Variants in GAPVD1 observed in about 807,000 individuals in gnomAD.
GAPVD1 encodes the protein GTPase activating protein and VPS9 domains 1, also known as GTPase-activating protein and VPS9 domain-containing protein 1.
A neutral mutation model predicts 155.5 loss-of-function variants in GAPVD1; 35 were observed. The ratio of observed to expected loss-of-function variants is 0.23; its 90% CI spans 0.17 to 0.30. The LOEUF (loss-of-function observed/expected upper bound fraction) is 0.30. GAPVD1 is among the 10% of genes least tolerant of loss of function. The pLI is 1.00. For synonymous variants in GAPVD1, 636 were observed against 619.7 expected (o/e 1.03, Z -0.39); for missense variants, 1,429 against 1,775.7 (o/e 0.80, Z 3.51).
chr9:125,293,858 A>ATATATAAATATAT (rs1473601690), intron 2 of GAPVD1, among the ~76,000 whole-genome samples: 2 of 8,196 alleles, frequency 2.4e-4, no homozygotes, highest in African/African-American at 2.5e-3. Flanking sequence ...TATTTTATAT[A>ATATATAAATATAT]TATATATATA....
chr9:125,332,093 T>G, intron 14 of GAPVD1, 33 bp downstream of exon 14: 1 of 1,605,474 alleles, frequency 6.2e-7, no homozygotes, highest in South Asian at 1.1e-5. Flanking sequence ...AGTAGGGATT[T>G]GAAGGTGTTC....
intron 2 of GAPVD1, among the ~76,000 whole-genome samples, chr9:125,288,413 T>C (rs1838069462): frequency 6.6e-6 from 1 of 152,080 alleles, no homozygotes; most frequent in Non-Finnish European, 1.5e-5. Flanking sequence ...CCCGGCCTTG[T>C]TAATATTTAA....
intron 9 of GAPVD1, among the ~76,000 whole-genome samples, chr9:125,316,771 T>C (rs928434698): frequency 1.3e-5 from 2 of 152,224 alleles, no homozygotes; most frequent in African/African-American, 4.8e-5. Flanking sequence ...ATGGGATTGC[T>C]GGGTCAGATG....
intron 9 of GAPVD1, 126 bp downstream of exon 9, chr9:125,312,738 A>G (rs1038136475): frequency 1.6e-6 from 1 of 639,392 alleles, no homozygotes; most frequent in Non-Finnish European, 2.6e-6. Context: ...TGTAGAGGCC[A>G]GGAAGTCTAT....
intron 2 of GAPVD1, among the ~76,000 whole-genome samples, chr9:125,288,289 G>A (rs1166117950): frequency 6.6e-6 from 1 of 151,446 alleles, no homozygotes; most frequent in Non-Finnish European, 1.5e-5. Context: ...TTTTTGTATT[G>A]TTAGTAGAGA....
intron 1 of GAPVD1, among the ~76,000 whole-genome samples, chr9:125,264,566 G>A (rs780041044): frequency 2.6e-5 from 4 of 152,010 alleles, no homozygotes; most frequent in South Asian, 2.1e-4. Context: ...CAAAATAATC[G>A]GAAGAAGAAA....
At chr9:125,274,534 G>C (rs1835453843) in intron 2 of GAPVD1, among the ~76,000 whole-genome samples, 1 of 150,136 alleles carries the variant, frequency 6.7e-6, no homozygotes. Context: ...TGCAATCTCG[G>C]CTCACTGCAA....
chr9:125,336,147 A>G (rs1050058021), intron 15 of GAPVD1, among the ~76,000 whole-genome samples: 23 of 146,090 alleles, frequency 1.6e-4, no homozygotes, highest in African/African-American at 5.5e-4. Flanking sequence ...TTTGTCTCCA[A>G]AAAAAAAAAA....
intron 2 of GAPVD1, among the ~76,000 whole-genome samples, chr9:125,279,466 G>T (rs1451424071): frequency 6.6e-6 from 1 of 151,312 alleles, no homozygotes; most frequent in Non-Finnish European, 1.5e-5. Context: ...AGCTACTATG[G>T]AGGCTGAGAC....
chr9:125,340,807 A>G (rs1847744570), intron 17 of GAPVD1, among the ~76,000 whole-genome samples: 1 of 152,260 alleles, frequency 6.6e-6, no homozygotes, highest in Admixed American at 6.5e-5. Context: ...AAAGTCACCT[A>G]CGTGGCAATA....
intron 2 of GAPVD1, among the ~76,000 whole-genome samples, chr9:125,292,622 T>G (rs1026255148): frequency 6.6e-6 from 1 of 152,034 alleles, no homozygotes. Context: ...ACTCCTGACC[T>G]CAAGTGATCT....
chr9:125,333,008 T>TA (rs1487248378), intron 15 of GAPVD1, among the ~76,000 whole-genome samples: 3 of 152,212 alleles, frequency 2.0e-5, no homozygotes, highest in Non-Finnish European at 4.4e-5. Flanking sequence ...TGAAATGACT[T>TA]AGAGAAAAAA....
intron 2 of GAPVD1, 88 bp downstream of exon 2, chr9:125,269,072 TC>T (rs1007001804): frequency 1.3e-5 from 2 of 152,076 alleles, no homozygotes; most frequent in East Asian, 3.8e-4. Context: ...GTAAGTGGAA[TC>T]CTTTTTTTTT....
intron 2 of GAPVD1, among the ~76,000 whole-genome samples, chr9:125,278,247 G>A (rs1050707230): frequency 6.6e-6 from 1 of 152,186 alleles, no homozygotes; most frequent in Non-Finnish European, 1.5e-5. Flanking sequence ...TAGGCTGGGT[G>A]CGGTGGCTTA....
chr9:125,307,836 C>G lies in GAPVD1; in HGVS notation c.1397C>G (p.Ser466Cys). 6.2e-7 allele frequency: 1 copy of G among 1,613,290 alleles called. No individual in the cohort carries two copies. Among genetic ancestry groups the G allele is most frequent in the African/African-American group, 1.3e-5 (1 of 75,004 alleles). ...EMTPYNTPQL[S>C]PATTPANKKN... ...ACTCCCTACAATACACCTCAGCTAT[C>G]TCCAGCAACCACTCCAGCAAATAAA... is the stretch of plus-strand genomic sequence containing the variant. Residue 466 changes from serine to cysteine, a missense_variant, in exon 8 of 28, where the codon TCT becomes TGT. By Grantham distance (112) the Ser-to-Cys change is moderately radical. This residue lies in a region of GAPVD1 where 628 missense variants were observed against 733.4 expected (regional missense o/e 0.86). Transcript: ENST00000297933.
intron 26 of GAPVD1, 140 bp downstream of exon 26, chr9:125,359,632 C>T: frequency 1.7e-6 from 1 of 581,540 alleles, no homozygotes. Flanking sequence ...TTCAGTCTAA[C>T]TGCGAAGTTC....
chr9:125,262,777 A>T (rs1833146332), intron 1 of GAPVD1, among the ~76,000 whole-genome samples: 4 of 152,222 alleles, frequency 2.6e-5, no homozygotes, highest in African/African-American at 9.6e-5. Flanking sequence ...AAGGAGGATA[A>T]AATGACATCA....
In GAPVD1 at chr9:125,345,071, C is replaced by T. The variant is rs576953547; in HGVS notation, c.3047-1748C>T. ...ACCCTAATCCGTGCATACTGGAGTC[C>T]TGCAGTTGGCCCTGTGGAAACTGTG... On this transcript the variant is annotated intron_variant, in intron 19 of 27. Transcript: ENST00000297933. 2.1e-3 allele frequency among the ~76,000 whole-genome samples: 321 copies of T among 152,258 alleles called. 8 individuals carry two copies. In the South Asian group the frequency reaches 0.033, roughly 16 times the overall value.
intron 4 of GAPVD1, among the ~76,000 whole-genome samples, chr9:125,300,869 G>C (rs1418683270): frequency 2.6e-5 from 4 of 151,860 alleles, no homozygotes; most frequent in African/African-American, 9.7e-5. Flanking sequence ...CATCTTTTAG[G>C]CTTATTTTAT....
Sources: allele counts gnomAD v4.1 joint callset (sites outside exome capture counted in the v4.1 genomes callset), GRCh38; gene constraint gnomAD v4.1.1; regional missense constraint gnomAD v4.1.1; transcripts MANE v1.5; gene names NCBI Gene and HGNC (gene_info 2026-07-23, HGNC 2026-07-21).